Variants in ADAMTSL3 observed in about 807,000 individuals in gnomAD.
ADAMTSL3 encodes the protein ADAMTS-like protein 3.
A neutral mutation model predicts 201.7 loss-of-function variants in ADAMTSL3; 128 were observed. The observed-to-expected ratio is 0.63, with a 90% CI of 0.55 to 0.73. ADAMTSL3 has a LOEUF of 0.73. Ranked by LOEUF, ADAMTSL3 falls within the 30% of genes least tolerant of loss-of-function variation. The pLI is 0.00. For missense variants in ADAMTSL3, 1,990 were observed against 2,119.6 expected, an observed-to-expected ratio of 0.94 and a Z score of 1.20; for synonymous variants, 738 against 748.4, an observed-to-expected ratio of 0.99 and a Z score of 0.23.
At chr15:83,739,506 A>C (rs189001595) in intron 3 of ADAMTSL3, among the ~76,000 whole-genome samples, 26 of 151,594 alleles carry the variant, frequency 1.7e-4, no homozygotes, top group African/African-American at 6.3e-4. Flanking sequence ...TGTTTATAAG[A>C]TATACATGAA....
intron 6 of ADAMTSL3, among the ~76,000 whole-genome samples, chr15:83,821,861 C>G (rs1230731719): frequency 6.7e-6 from 1 of 148,670 alleles, no homozygotes; most frequent in Non-Finnish European, 1.5e-5. Context: ...GGCGGCTGGC[C>G]GGGCTGGGGG....
chr15:83,920,070 A>T (rs906425), intron 16 of ADAMTSL3, among the ~76,000 whole-genome samples: 46,857 of 152,052 alleles, frequency 0.31, 8,292 homozygotes, highest in African/African-American at 0.44. Context: ...AATTTAAGAT[A>T]TATATATGTA....
intron 19 of ADAMTSL3, 149 bp from the exon 20 acceptor site, chr15:83,970,335 A>G (rs566516341): frequency 2.5e-6 from 2 of 811,272 alleles, no homozygotes; most frequent in African/African-American, 1.7e-5. Flanking sequence ...TCCATGACAT[A>G]AAAGATGTTC....
chr15:83,727,742 T>A (rs2062202200), intron 3 of ADAMTSL3, among the ~76,000 whole-genome samples: 3 of 152,078 alleles, frequency 2.0e-5, no homozygotes, highest in Admixed American at 2.0e-4. Flanking sequence ...TTGATATGAT[T>A]TCAATTTAAA....
chr15:84,036,304 ACTT>A (rs1308488980), intron 28 of ADAMTSL3, among the ~76,000 whole-genome samples: 2 of 152,216 alleles, frequency 1.3e-5, no homozygotes, highest in African/African-American at 2.4e-5. Flanking sequence ...AAAAAAGAGT[ACTT>A]CTTTTAGCAG....
In ADAMTSL3 at chr15:84,021,399, T is replaced by C. The variant is rs2068202796; in HGVS notation, c.4274-11T>C. 10 of 1,613,712 alleles carry C rather than the reference T, an allele frequency of 6.2e-6. No individual in the cohort carries two copies. The East Asian group carries it at 1.1e-4, about 18-fold the overall frequency. ...TTGGGGCTGGCATGATATTTTGTTT[T>C]CTTTCTGCAGAGCCTTTTTGGGAGC... On this transcript the variant is annotated splice_polypyrimidine_tract_variant and intron_variant, in intron 25 of 29. Transcript: ENST00000286744.
intron 26 of ADAMTSL3, among the ~76,000 whole-genome samples, chr15:84,022,054 A>G (rs1021312081): frequency 1.3e-5 from 2 of 152,200 alleles, no homozygotes; most frequent in African/African-American, 4.8e-5. Flanking sequence ...TTTCTAAGCA[A>G]TAGGTAATAC....
At chr15:83,970,807 T>A (rs776383881) in intron 20 of ADAMTSL3, among the ~76,000 whole-genome samples, 170 bp downstream of exon 20, 1 of 152,232 alleles carries the variant, frequency 6.6e-6, no homozygotes, top group Non-Finnish European at 1.5e-5. Context: ...GACCAAGATA[T>A]AGTTCTAAGA....
chr15:83,828,897 G>C (rs571590855), intron 6 of ADAMTSL3, among the ~76,000 whole-genome samples: 1 of 152,322 alleles, frequency 6.6e-6, no homozygotes, highest in Admixed American at 6.5e-5. Context: ...TGGTGGATAA[G>C]TTTTTTGATG....
intron 2 of ADAMTSL3, among the ~76,000 whole-genome samples, chr15:83,666,275 T>C (rs1217801495): frequency 6.6e-6 from 1 of 152,222 alleles, no homozygotes; most frequent in Non-Finnish European, 1.5e-5. Flanking sequence ...CATGCTTTAT[T>C]GACCAATTCT....
intron 4 of ADAMTSL3, among the ~76,000 whole-genome samples, chr15:83,802,490 A>G (rs1228338029): frequency 6.6e-6 from 1 of 152,356 alleles, no homozygotes; most frequent in African/African-American, 2.4e-5. Context: ...ACAGTTGTAC[A>G]TATGTGCAAT....
At chr15:83,790,248 CT>C (rs1291726685) in intron 4 of ADAMTSL3, among the ~76,000 whole-genome samples, 1 of 144,422 alleles carries the variant, frequency 6.9e-6, no homozygotes, top group African/African-American at 2.6e-5. Flanking sequence ...TCTAGTATGA[CT>C]TTGATACCAA....
intron 23 of ADAMTSL3, among the ~76,000 whole-genome samples, chr15:83,998,189 C>A (rs1001223510): frequency 2.0e-5 from 3 of 152,166 alleles, no homozygotes. Flanking sequence ...AATAGGCTGA[C>A]ACCTGTAATC....
intron 16 of ADAMTSL3, among the ~76,000 whole-genome samples, chr15:83,918,364 A>G (rs2066075862): frequency 1.3e-5 from 2 of 152,262 alleles, no homozygotes; most frequent in Admixed American, 1.3e-4. Context: ...GGAAAAATGC[A>G]TTCATCACAT....
intron 4 of ADAMTSL3, among the ~76,000 whole-genome samples, chr15:83,800,368 C>T (rs1424579121): frequency 6.6e-6 from 1 of 152,060 alleles, no homozygotes; most frequent in Non-Finnish European, 1.5e-5. Context: ...TATTTTCAGG[C>T]TCAACACTCA....
intron 25 of ADAMTSL3, 99 bp from the exon 26 acceptor site, chr15:84,021,311 A>C (rs1447944434): frequency 7.4e-7 from 1 of 1,357,940 alleles, no homozygotes; most frequent in Non-Finnish European, 1.0e-6. Flanking sequence ...CTACTTAAAG[A>C]ACCAAAAAAC....
chr15:83,800,351 A>T (rs1323675891), intron 4 of ADAMTSL3, among the ~76,000 whole-genome samples: 2 of 152,140 alleles, frequency 1.3e-5, no homozygotes, highest in Non-Finnish European at 1.5e-5. Flanking sequence ...CATACTTTTT[A>T]GGTTTATATT....
intron 15 of ADAMTSL3, among the ~76,000 whole-genome samples, chr15:83,902,461 A>C (rs1282862696): frequency 6.6e-6 from 1 of 152,086 alleles, no homozygotes; most frequent in Non-Finnish European, 1.5e-5. Flanking sequence ...TAATACAGAC[A>C]GGGTTTCACC....
intron 23 of ADAMTSL3, among the ~76,000 whole-genome samples, chr15:83,994,998 T>C (rs1156970403): frequency 6.6e-6 from 1 of 152,106 alleles, no homozygotes; most frequent in African/African-American, 2.4e-5. Flanking sequence ...AAAGGAGAAC[T>C]GTGATGCAGG....
Sources: allele counts gnomAD v4.1 joint callset (sites outside exome capture counted in the v4.1 genomes callset), GRCh38; gene constraint gnomAD v4.1.1; transcripts MANE v1.5; gene names NCBI Gene and HGNC (gene_info 2026-07-23, HGNC 2026-07-21).